Variants in MAGI1 observed in about 807,000 individuals in gnomAD.
MAGI1 encodes the protein membrane associated guanylate kinase, WW and PDZ domain containing 1, also known as membrane-associated guanylate kinase, WW and PDZ domain-containing protein 1.
MAGI1 carries 58 observed loss-of-function variants against 139.9 expected under a neutral mutation model. The ratio of observed to expected loss-of-function variants is 0.41; its 90% CI spans 0.34 to 0.52. MAGI1 has a LOEUF of 0.52. Among genes scored for constraint, MAGI1 ranks in the 20% least tolerant of loss-of-function variants. The pLI is 0.12. For synonymous variants in MAGI1, 812 were observed against 737.9 expected, an observed-to-expected ratio of 1.10 and a Z score of -1.63; for missense variants, 1,874 against 1,901.6, an observed-to-expected ratio of 0.99 and a Z score of 0.27.
At chr3:65,963,879 C>G (rs925201211) in intron 1 of MAGI1, among the ~76,000 whole-genome samples, 3 of 152,114 alleles carry the variant, frequency 2.0e-5, no homozygotes, top group African/African-American at 7.2e-5. Context: ...TATCTGTGGA[C>G]TGAAGGTCAA....
chr3:65,681,579 T>A (rs2087594149), intron 1 of MAGI1, among the ~76,000 whole-genome samples: 1 of 152,244 alleles, frequency 6.6e-6, no homozygotes, highest in African/African-American at 2.4e-5. Context: ...CCATAGAAGA[T>A]AACCCCTGAA....
intron 1 of MAGI1, among the ~76,000 whole-genome samples, chr3:65,965,298 C>A (rs1171685423): frequency 6.6e-6 from 1 of 152,200 alleles, no homozygotes; most frequent in East Asian, 1.9e-4. Flanking sequence ...GGTACCACTT[C>A]TACTATTCCA....
intron 10 of MAGI1, among the ~76,000 whole-genome samples, chr3:65,433,660 T>G (rs941037826): frequency 6.6e-6 from 1 of 152,110 alleles, no homozygotes; most frequent in Middle Eastern, 3.4e-3. Flanking sequence ...CCAGGGAAAA[T>G]CCCCTGGGTA....
intron 1 of MAGI1, among the ~76,000 whole-genome samples, chr3:65,945,462 T>C (rs1346369642): frequency 6.6e-6 from 1 of 152,184 alleles, no homozygotes; most frequent in Non-Finnish European, 1.5e-5. Context: ...AAGTATAGCC[T>C]GAGAAGGACT....
Position 65,813,001 on chromosome 3 carries a change from G to A in MAGI1, c.314-190913C>T, listed in dbSNP as rs150512756. ...GCTGGAATTACAGGCTTGAGCCACC[G>A]CGCCCAGCCTAGTTCACATTTTCTA... On this transcript the variant is annotated intron_variant, in intron 1 of 22. Coordinates refer to ENST00000402939, the MANE Select transcript of MAGI1 (RefSeq NM_001033057.2). Among the ~76,000 whole-genome samples, 444 of 149,900 alleles carry A rather than the reference G, an allele frequency of 3.0e-3. 2 individuals carry two copies. The highest frequency in any genetic ancestry group is 0.014 in the Middle Eastern group (4 of 290).
intron 1 of MAGI1, among the ~76,000 whole-genome samples, chr3:65,926,152 A>C (rs2062491536): frequency 6.6e-6 from 1 of 152,238 alleles, no homozygotes; most frequent in Non-Finnish European, 1.5e-5. Context: ...CTTTAAATGA[A>C]GTCATTTTTT....
intron 12 of MAGI1, among the ~76,000 whole-genome samples, chr3:65,409,131 C>T (rs1945580715): frequency 6.6e-6 from 1 of 152,226 alleles, no homozygotes; most frequent in Non-Finnish European, 1.5e-5. Flanking sequence ...TTCATTCATA[C>T]AAGATTTATT....
intron 3 of MAGI1, among the ~76,000 whole-genome samples, chr3:65,481,605 T>C (rs1951297055): frequency 6.6e-6 from 1 of 152,226 alleles, no homozygotes; most frequent in Non-Finnish European, 1.5e-5. Context: ...AAGAAACTTC[T>C]ACTGAAAGAT....
intron 1 of MAGI1, among the ~76,000 whole-genome samples, chr3:65,932,425 C>T (rs1452933753): frequency 1.3e-5 from 2 of 152,168 alleles, no homozygotes; most frequent in Admixed American, 1.3e-4. Flanking sequence ...TCTCCCATAG[C>T]AGGTAACTTT....
chr3:65,777,642 CAAAA>C (rs11415226), intron 1 of MAGI1, among the ~76,000 whole-genome samples: 19 of 117,064 alleles, frequency 1.6e-4, no homozygotes, highest in African/African-American at 3.0e-4. Context: ...ACTCTTATCA[CAAAA>C]AAAAAAAAAA....
At chr3:66,008,393 T>C (rs537568125) in intron 1 of MAGI1, among the ~76,000 whole-genome samples, 1 of 152,256 alleles carries the variant, frequency 6.6e-6, no homozygotes, top group East Asian at 1.9e-4. Flanking sequence ...TTCAATCTTT[T>C]CCTCATCTCC....
chr3:65,861,950 G>A (rs999216997), intron 1 of MAGI1, among the ~76,000 whole-genome samples: 4 of 152,108 alleles, frequency 2.6e-5, no homozygotes, highest in African/African-American at 9.7e-5. Flanking sequence ...GGAACAACCG[G>A]TAAGACCTCT....
At chr3:65,621,745 C>A (rs1466990532) in intron 2 of MAGI1, among the ~76,000 whole-genome samples, 1 of 152,114 alleles carries the variant, frequency 6.6e-6, no homozygotes, top group Non-Finnish European at 1.5e-5. Context: ...GAAAAGTGGG[C>A]CTTACAAAGG....
chr3:65,420,769 C>T (rs6766260), intron 12 of MAGI1, among the ~76,000 whole-genome samples: 26,333 of 152,138 alleles, frequency 0.17, 2,551 homozygotes, highest in Non-Finnish European at 0.22. Flanking sequence ...TTAATGAGAA[C>T]TATAAATCAC....
At chr3:65,840,785 G>A (rs73136985) in intron 1 of MAGI1, among the ~76,000 whole-genome samples, 3 of 151,988 alleles carry the variant, frequency 2.0e-5, no homozygotes, top group Non-Finnish European at 4.4e-5. Context: ...TTTTGATATC[G>A]GGATAAAACT....
At chr3:65,916,316 G>A (rs555288282) in intron 1 of MAGI1, among the ~76,000 whole-genome samples, 6 of 152,100 alleles carry the variant, frequency 3.9e-5, no homozygotes, top group South Asian at 2.1e-4. Context: ...TGATCTTCCC[G>A]TCTCAGCCAT....
chr3:65,634,776 T>C (rs918310793), intron 1 of MAGI1, among the ~76,000 whole-genome samples: 2 of 152,158 alleles, frequency 1.3e-5, no homozygotes, highest in African/African-American at 2.4e-5. Flanking sequence ...TAAGGGAATG[T>C]TGACTATGAA....
chr3:65,882,227 G>T (rs566997378), intron 1 of MAGI1, among the ~76,000 whole-genome samples: 14 of 152,262 alleles, frequency 9.2e-5, no homozygotes, highest in Middle Eastern at 3.4e-3. Flanking sequence ...GTACCTTTCA[G>T]ACAGGCTTCT....
chr3:65,442,699 G>A lies in MAGI1; in HGVS notation c.1136+93C>T, dbSNP rs527572508. ...TAAAATTAATATTGTTAATTGGTTTGTGCCTTATAATGATGTCAGGCTGTA... is the reference window on the plus strand; with the variant it reads ...TAAAATTAATATTGTTAATTGGTTTATGCCTTATAATGATGTCAGGCTGTA... On this transcript the variant is annotated intron_variant, in intron 8 of 22. Coordinates refer to ENST00000402939, the MANE Select transcript of MAGI1 (RefSeq NM_001033057.2). 6 of 794,810 alleles carry A rather than the reference G, an allele frequency of 7.5e-6. No individual in the cohort carries two copies. In the East Asian group the frequency reaches 1.5e-4, roughly 20 times the overall value. The allele number at this position is 794,810 out of a possible 1,614,324, so 49.2% of individuals were successfully genotyped here.
Sources: allele counts gnomAD v4.1 joint callset (sites outside exome capture counted in the v4.1 genomes callset), GRCh38; gene constraint gnomAD v4.1.1; transcripts MANE v1.5; gene names NCBI Gene and HGNC (gene_info 2026-07-23, HGNC 2026-07-21).